Variants in CCDC91 observed in about 807,000 individuals in gnomAD.
CCDC91 encodes coiled-coil domain containing 91, also known as coiled-coil domain-containing protein 91.
Under a neutral mutation model 63.2 loss-of-function variants are expected in CCDC91, and 48 were observed. The observed-to-expected ratio is 0.76, with a 90% CI of 0.60 to 0.97. The LOEUF (loss-of-function observed/expected upper bound fraction) is 0.97. Among genes scored for constraint, CCDC91 ranks in the 50% least tolerant of loss-of-function variants. The pLI is 0.00. For synonymous variants in CCDC91, 167 were observed against 165.8 expected (o/e 1.01, Z -0.06); for missense variants, 500 against 494.6 (o/e 1.01, Z -0.10).
At position 28,335,171 on chromosome 12, in the gene CCDC91, G is replaced by A. The variant is rs1051387252; in HGVS notation, c.577-27267G>A. Among the ~76,000 whole-genome samples the A allele has an allele frequency of 3.3e-3, 431 of 131,780 alleles. 7 individuals are homozygous for A. Among genetic ancestry groups the A allele is most frequent in the African/African-American group, 0.011 (400 of 36,394 alleles). The allele number at this position is 131,780 out of a possible 152,430, so 86.5% of individuals were successfully genotyped here. ...ATTTATAACATATATTAAATATAAT[G>A]TTTATAATATAAATATTATATTTAT... On this transcript the variant is annotated intron_variant, in intron 6 of 12. Coordinates refer to ENST00000536442, the MANE Select transcript of CCDC91 (RefSeq NM_018318.5).
chr12:28,267,900 A>ATTAT (rs1491499151), intron 3 of CCDC91, among the ~76,000 whole-genome samples: 1 of 75,944 alleles, frequency 1.3e-5, no homozygotes, highest in Admixed American at 2.2e-4. Flanking sequence ...AATTATATAT[A>ATTAT]ATTATATTAT....
intron 1 of CCDC91, among the ~76,000 whole-genome samples, chr12:28,254,225 G>T (rs1946297308): frequency 6.6e-6 from 1 of 152,186 alleles, no homozygotes; most frequent in African/African-American, 2.4e-5. Context: ...TTGATATTGT[G>T]AAAACTTTCA....
At chr12:28,499,724 T>C (rs1952522141) in intron 12 of CCDC91, among the ~76,000 whole-genome samples, 1 of 152,194 alleles carries the variant, frequency 6.6e-6, no homozygotes, top group South Asian at 2.1e-4. Context: ...TGTGCCACAT[T>C]TTCTTTATCC....
chr12:28,321,029 A>G (rs776057937), intron 6 of CCDC91, among the ~76,000 whole-genome samples: 1 of 151,938 alleles, frequency 6.6e-6, no homozygotes, highest in Non-Finnish European at 1.5e-5. Context: ...AGGAATAGGT[A>G]AGAAATCTAC....
chr12:28,275,794 C>G (rs1224565069), intron 3 of CCDC91, among the ~76,000 whole-genome samples: 1 of 152,146 alleles, frequency 6.6e-6, no homozygotes, highest in African/African-American at 2.4e-5. Flanking sequence ...GGCTTCATCC[C>G]TGGGATGCAA....
chr12:28,432,321 G>A (rs1948672988), intron 8 of CCDC91, among the ~76,000 whole-genome samples: 1 of 152,016 alleles, frequency 6.6e-6, no homozygotes, highest in Non-Finnish European at 1.5e-5. Flanking sequence ...ATATGTTGAG[G>A]GAGGGACCTG....
intron 12 of CCDC91, among the ~76,000 whole-genome samples, chr12:28,527,015 A>G (rs943316397): frequency 6.6e-6 from 1 of 151,834 alleles, no homozygotes; most frequent in Non-Finnish European, 1.5e-5. Flanking sequence ...CACTTCTTGT[A>G]TTATATTTTG....
chr12:28,226,301 A>G (rs1843266058), intron 1 of CCDC91: 1 of 152,188 alleles, frequency 6.6e-6, no homozygotes, highest in Admixed American at 6.5e-5. Context: ...TGGGTGAATA[A>G]CAAAGTCGTG....
chr12:28,225,392 T>G (rs1443510863), intron 1 of CCDC91, among the ~76,000 whole-genome samples: 3 of 152,112 alleles, frequency 2.0e-5, no homozygotes, highest in Non-Finnish European at 4.4e-5. Flanking sequence ...AACATGCAAA[T>G]AAGAACCTCC....
chr12:28,528,178 G>T (rs1232323175), intron 12 of CCDC91, among the ~76,000 whole-genome samples: 1 of 152,070 alleles, frequency 6.6e-6, no homozygotes, highest in African/African-American at 2.4e-5. Flanking sequence ...TCTCCCTGTG[G>T]TTTTTTTCCC....
intron 11 of CCDC91, among the ~76,000 whole-genome samples, chr12:28,478,122 A>C (rs930963461): frequency 1.3e-5 from 2 of 152,178 alleles, no homozygotes; most frequent in African/African-American, 4.8e-5. Flanking sequence ...TTTAAAGTTC[A>C]TATGGAACCA....
Position 28,452,620 on chromosome 12 carries a change from A to T in CCDC91, c.1067A>T (p.Gln356Leu). The change falls in exon 11 of 13, where the codon CAA becomes CTA. Residue 356 changes from glutamine to leucine, a missense_variant. By Grantham distance (113) the Gln-to-Leu change is moderately radical. Coordinates refer to ENST00000536442, the MANE Select transcript of CCDC91 (RefSeq NM_018318.5). Reference sequence around the variant, plus strand: ...CAAGAAAAAGTATCTCAGGAAATTCAAAAAGCTATACAAGAACAAAGAAAA... The same window carrying T: ...CAAGAAAAAGTATCTCAGGAAATTCTAAAAGCTATACAAGAACAAAGAAAA... Reference protein sequence around the residue: ...KDQEKVSQEIQKAIQEQRKIS... With the variant: ...KDQEKVSQEILKAIQEQRKIS... 1 of 1,569,562 alleles carries T rather than the reference A, an allele frequency of 6.4e-7. No individual in the cohort carries two copies. Among genetic ancestry groups the T allele is most frequent in the Non-Finnish European group, 8.6e-7 (1 of 1,158,226 alleles).
chr12:28,335,482 A>G lies in CCDC91; in HGVS notation c.577-26956A>G, dbSNP rs148558422. Among the ~76,000 whole-genome samples, 22 of 150,062 alleles carry G rather than the reference A, an allele frequency of 1.5e-4. 1 individual carries two copies. The East Asian group carries it at 4.3e-3, about 29-fold the overall frequency. ...GAGCGCAATGGTGTGATCACAGCTTACTGCAGCCTCGACCTCCCAGGCCCA... is the reference window on the plus strand; with the variant it reads ...GAGCGCAATGGTGTGATCACAGCTTGCTGCAGCCTCGACCTCCCAGGCCCA... On this transcript the variant is annotated intron_variant, in intron 6 of 12. Coordinates refer to ENST00000536442, the MANE Select transcript of CCDC91 (RefSeq NM_018318.5).
At chr12:28,395,975 C>T (rs1038998424) in intron 8 of CCDC91, among the ~76,000 whole-genome samples, 4 of 152,148 alleles carry the variant, frequency 2.6e-5, no homozygotes, top group East Asian at 1.9e-4. Flanking sequence ...GTTATAGGAA[C>T]GTAACAGTGA....
rs150748914 is a variant in CCDC91, at chr12:28,221,194, A to C, written c.-15+30553A>C. ...CAGTGTTTAATATGCTGTTAATCTC[A>C]TCTTTTATGTTTTTTGTTTCAAAGT... On this transcript the variant is annotated intron_variant, in intron 1 of 12. Coordinates refer to ENST00000536442, the MANE Select transcript of CCDC91 (RefSeq NM_018318.5). Among the ~76,000 whole-genome samples, 164 of 151,836 alleles carry C rather than the reference A, an allele frequency of 1.1e-3. 2 individuals are homozygous for C. The highest frequency in any genetic ancestry group is 3.8e-3 in the African/African-American group (158 of 41,418).
At chr12:28,252,276 G>GTT (rs1946165407) in intron 1 of CCDC91, among the ~76,000 whole-genome samples, 1 of 151,844 alleles carries the variant, frequency 6.6e-6, no homozygotes, top group Non-Finnish European at 1.5e-5. Context: ...CTCTTGGACA[G>GTT]TTGATATACC....
At chr12:28,518,638 C>T (rs1167163388) in intron 12 of CCDC91, among the ~76,000 whole-genome samples, 1 of 152,004 alleles carries the variant, frequency 6.6e-6, no homozygotes, top group Non-Finnish European at 1.5e-5. Flanking sequence ...TTTTGCTGTG[C>T]AAAAGCTCTT....
chr12:28,541,866 T>C (rs1021748624), intron 12 of CCDC91, among the ~76,000 whole-genome samples: 1 of 152,112 alleles, frequency 6.6e-6, no homozygotes, highest in Non-Finnish European at 1.5e-5. Flanking sequence ...CATTGAACTC[T>C]ATAAAGTAGG....
At chr12:28,443,700 A>G (rs1350421458) in intron 8 of CCDC91, among the ~76,000 whole-genome samples, 1 of 152,124 alleles carries the variant, frequency 6.6e-6, no homozygotes, top group African/African-American at 2.4e-5. Flanking sequence ...TGGTGCCACT[A>G]TTAGCATGTA....
Sources: gnomAD v4.1 joint callset for allele counts (sites outside exome capture counted in the v4.1 genomes callset) on GRCh38, gnomAD v4.1.1 for gene constraint, MANE v1.5 for transcripts, NCBI Gene and HGNC (gene_info 2026-07-23, HGNC 2026-07-21) for gene names.